DMD: variants seen among roughly 807,000 people sequenced by gnomAD.
DMD encodes dystrophin.
A neutral mutation model predicts 330.1 loss-of-function variants in DMD; 63 were observed. The ratio of observed to expected loss-of-function variants is 0.19; its 90% CI spans 0.16 to 0.24. The LOEUF is 0.24. Among genes scored for constraint, DMD ranks in the 10% least tolerant of loss-of-function variants. DMD has a pLI of 1.00. For synonymous variants in DMD, 1,223 were observed against 959.8 expected (o/e 1.27, Z -5.07); for missense variants, 3,344 against 2,684.1 (o/e 1.25, Z -5.43).
chrX:33,006,072 A>G (rs1341538225), intron 2 of DMD, among the ~76,000 whole-genome samples: 3 of 111,781 alleles, frequency 2.7e-5, no homozygotes, highest in Non-Finnish European at 5.7e-5. Context: ...AGAAAACTAC[A>G]AAACTCTGAT....
intron 1 of DMD, among the ~76,000 whole-genome samples, chrX:33,139,568 A>G (rs949778499): frequency 2.7e-5 from 3 of 110,105 alleles, no homozygotes; most frequent in Non-Finnish European, 5.7e-5. Context: ...TCATCATCCC[A>G]TTGGTGCTGT....
chrX:32,391,690 G>C (rs1397690842), intron 30 of DMD, among the ~76,000 whole-genome samples: 1 of 111,785 alleles, frequency 8.9e-6, no homozygotes, highest in Non-Finnish European at 1.9e-5. Flanking sequence ...TCTGGGAGTA[G>C]GGATCCATCT....
At chrX:31,211,602 CA>C (rs1456287085) in intron 64 of DMD, among the ~76,000 whole-genome samples, 1 of 112,297 alleles carries the variant, frequency 8.9e-6, no homozygotes, top group African/African-American at 3.2e-5. Flanking sequence ...TGGAAATGAA[CA>C]GAGAAAAACT....
At position 32,448,484 on chromosome X, in the gene DMD, C is replaced by T; in HGVS notation, c.3758G>A (p.Arg1253Lys). ...CAAAGTCTTGCATTTCCCATTCAGC[C>T]TAGTGCAGAGCCACTGGTAGTTGGT... ...LTTNYQWLCT[R>K]LNGKCKTLEE... is the part of the protein sequence containing the mutation. The change falls in exon 27 of 79, where the codon AGG (arginine) becomes AAG (lysine). Residue 1253 changes from arginine to lysine, a missense_variant. Transcript: ENST00000357033. 1.7e-6 allele frequency: 2 copies of T among 1,208,716 alleles called. No individual in the cohort carries two copies. Among genetic ancestry groups the T allele is most frequent in the Non-Finnish European group, 1.1e-6 (1 of 893,294 alleles).
intron 1 of DMD, among the ~76,000 whole-genome samples, chrX:33,263,954 T>C (rs1286488953): frequency 9.0e-6 from 1 of 111,310 alleles, no homozygotes; most frequent in Admixed American, 9.6e-5. Context: ...AAAAATAATC[T>C]TACACTTAAG....
intron 17 of DMD, among the ~76,000 whole-genome samples, chrX:32,523,217 C>T (rs1470257601): frequency 9.0e-6 from 1 of 111,206 alleles, no homozygotes. Context: ...CTAAAGAACA[C>T]TGGAAGGCCT....
intron 44 of DMD, among the ~76,000 whole-genome samples, chrX:32,064,733 T>C (rs16990072): frequency 0.033 from 3,707 of 111,221 alleles, 68 homozygotes; most frequent in Non-Finnish European, 0.051. Flanking sequence ...AAACAGTATA[T>C]ACATTAGCTA....
In DMD at chrX:32,720,296, T is replaced by C. The variant is rs373180990; in HGVS notation, c.650-21003A>G. On this transcript the variant is annotated intron_variant, in intron 7 of 78. Coordinates refer to ENST00000357033, the MANE Select transcript of DMD (RefSeq NM_004006.3). ...CGGTCTAATACCAAGACTGGCTCATTTTGCACCCATTAAATGCCTGTGAAA... is the reference window on the plus strand; with the variant it reads ...CGGTCTAATACCAAGACTGGCTCATCTTGCACCCATTAAATGCCTGTGAAA... Among the ~76,000 whole-genome samples the C allele has an allele frequency of 6.9e-4, 77 of 111,507 alleles. No individual in the cohort carries two copies. The South Asian group carries it at 0.029, about 41-fold the overall frequency.
In DMD at chrX:33,082,978, CTTCT is replaced by C. The variant is rs777118009; in HGVS notation, c.32-62782_32-62779del. On this transcript the variant is annotated intron_variant, in intron 1 of 78. Coordinates refer to ENST00000357033, the MANE Select transcript of DMD (RefSeq NM_004006.3). ...TGTGCTAAGATTAGTCTCACAAATC[CTTCT>C]TTCTATTAACCAAACCCTTGCAGAG... is the stretch of plus-strand genomic sequence containing the variant. Among the ~76,000 whole-genome samples, 409 of 111,992 alleles carry C rather than the reference CTTCT, an allele frequency of 3.7e-3. 1 individual carries two copies. The highest frequency in any genetic ancestry group is 0.012 in the African/African-American group (384 of 30,822).
chrX:32,756,774 A>G (rs999403668), intron 7 of DMD, among the ~76,000 whole-genome samples: 4 of 111,978 alleles, frequency 3.6e-5, no homozygotes, highest in African/African-American at 9.7e-5. Flanking sequence ...TATGGATACA[A>G]TCAAGTATAT....
intron 44 of DMD, among the ~76,000 whole-genome samples, chrX:32,052,923 T>C (rs1487927993): frequency 9.0e-6 from 1 of 110,627 alleles, no homozygotes; most frequent in Non-Finnish European, 1.9e-5. Context: ...AAAAACAAAC[T>C]ATAAAAGGAG....
chrX:32,514,685 G>C (rs1603635255), intron 18 of DMD, among the ~76,000 whole-genome samples: 3 of 112,610 alleles, frequency 2.7e-5, no homozygotes. Flanking sequence ...AGCTTGCAGT[G>C]AGCCGAGATC....
chrX:31,372,911 T>C (rs1242466177), intron 60 of DMD, among the ~76,000 whole-genome samples: 1 of 111,727 alleles, frequency 9.0e-6, no homozygotes, highest in Admixed American at 9.5e-5. Context: ...CATGATTGTA[T>C]ATCTAGAAAA....
At chrX:32,193,225 G>A (rs2096983768) in intron 44 of DMD, among the ~76,000 whole-genome samples, 1 of 111,919 alleles carries the variant, frequency 8.9e-6, no homozygotes, top group South Asian at 3.7e-4. Context: ...TGTGAGCCAA[G>A]TAAGTGTCTT....
chrX:32,878,552 A>G (rs191915760), intron 2 of DMD, among the ~76,000 whole-genome samples: 23 of 111,577 alleles, frequency 2.1e-4, no homozygotes, highest in African/African-American at 7.2e-4. Flanking sequence ...GCTATACTAC[A>G]AAACTACAAT....
rs1557113596 is a variant in DMD, at chrX:32,883,840, A to AAG, written c.94-34021_94-34020insCT. On this transcript the variant is annotated intron_variant, in intron 2 of 78. Coordinates refer to ENST00000357033, the MANE Select transcript of DMD (RefSeq NM_004006.3). Reference sequence around the variant, plus strand: ...CTCTGTTTCAAAAAAAAAAAAAAAAAAAAAAAAAAAAGAAAATGACTTCCA... The same window carrying AAG: ...CTCTGTTTCAAAAAAAAAAAAAAAAAAGAAAAAAAAAAAGAAAATGACTTCCA... 4.0e-5 allele frequency among the ~76,000 whole-genome samples: 4 copies of AAG among 99,902 alleles called. No homozygotes were observed. In the East Asian group the frequency reaches 1.3e-3, roughly 32 times the overall value. The allele number at this position is 99,902 out of a possible 115,157, so 86.8% of individuals were successfully genotyped here.
intron 44 of DMD, among the ~76,000 whole-genome samples, chrX:32,151,888 C>CCAT (rs1327839609): frequency 1.8e-5 from 2 of 111,591 alleles, no homozygotes; most frequent in Non-Finnish European, 3.8e-5. Flanking sequence ...ATTTTCTCTT[C>CCAT]CATCTTAAAA....
At chrX:31,747,457 G>A (rs1046174951) in intron 51 of DMD, among the ~76,000 whole-genome samples, 16 of 111,259 alleles carry the variant, frequency 1.4e-4, no homozygotes, top group African/African-American at 4.9e-4. Context: ...CATATTCTAT[G>A]GGGAGGATTT....
upstream of DMD, among the ~76,000 whole-genome samples, chrX:33,215,021 T>C (rs770679888): frequency 8.9e-6 from 1 of 111,982 alleles, no homozygotes; most frequent in East Asian, 2.8e-4. Flanking sequence ...TGTTGGCCGC[T>C]TGTATGTCTT....
Sources: allele counts gnomAD v4.1 joint callset (sites outside exome capture counted in the v4.1 genomes callset), GRCh38; gene constraint gnomAD v4.1.1; transcripts MANE v1.5; gene names NCBI Gene and HGNC (gene_info 2026-07-23, HGNC 2026-07-21).